Variants in SPATS1 observed in about 807,000 individuals in gnomAD.
SPATS1 encodes spermatogenesis-associated serine-rich protein 1.
A neutral mutation model predicts 33.6 loss-of-function variants in SPATS1; 23 were observed. That is an observed-to-expected ratio of 0.68 (90% CI 0.49 to 0.97). The LOEUF (loss-of-function observed/expected upper bound fraction) is 0.97. Ranked by LOEUF, SPATS1 falls within the 50% of genes least tolerant of loss-of-function variation. The probability of loss-of-function intolerance (pLI) is 0.00; values close to 1 mark genes in which losing one functional copy is unlikely to be tolerated. For synonymous variants in SPATS1, 131 were observed against 125.6 expected (o/e 1.04, Z -0.29); for missense variants, 327 against 361.0 (o/e 0.91, Z 0.76).
chr6:44,370,096 T>C lies in SPATS1; in HGVS notation c.741T>C (p.Pro247=). 1 of 1,612,480 alleles carries C rather than the reference T, an allele frequency of 6.2e-7. No individual in the cohort carries two copies. The highest frequency in any genetic ancestry group is 1.1e-5 in the South Asian group (1 of 90,980). The change falls in exon 7 of 9, where the codon CCT becomes CCC. Residue 247 remains proline (P), a synonymous_variant. Coordinates refer to ENST00000674044, the MANE Select transcript of SPATS1 (RefSeq NM_001372081.1). ...TTGATACATTTATTCCACTTGAGCCTCTTCCACAAATTCCCAAGTGAGTTC... is the reference window on the plus strand; with the variant it reads ...TTGATACATTTATTCCACTTGAGCCCCTTCCACAAATTCCCAAGTGAGTTC... ...KKFDTFIPLE[P]LPQIPNLPFW...
rs772122365 is a variant in SPATS1 at position 44,368,423 on chromosome 6, A to C, written c.619A>C (p.Asn207His). ...AATCCCAAAGTTAACTCCAGGCGAC[A>C]ATCCATATATGTACCCAGAACAGAG... is the stretch of plus-strand genomic sequence containing the variant. The part of the protein sequence containing the change: ...NGIPKLTPGD[N>H]PYMYPEQSKG... The change falls in exon 6 of 9, where the codon AAT becomes CAT. Residue 207 changes from asparagine (N) to histidine (H), a missense_variant. Coordinates refer to ENST00000674044, the MANE Select transcript of SPATS1 (RefSeq NM_001372081.1). The C allele has an allele frequency of 6.2e-7, 1 of 1,613,802 alleles. No individual in the cohort carries two copies. The highest frequency in any genetic ancestry group is 1.1e-5 in the South Asian group (1 of 91,048).
At chr6:44,351,741 C>T (rs1788258804) in intron 2 of SPATS1, among the ~76,000 whole-genome samples, 1 of 152,178 alleles carries the variant, frequency 6.6e-6, no homozygotes, top group Non-Finnish European at 1.5e-5. Context: ...GACTCCCTTA[C>T]TTGTAACTGT....
At chr6:44,346,021 C>G (rs1167012542) in intron 2 of SPATS1, among the ~76,000 whole-genome samples, 1 of 152,178 alleles carries the variant, frequency 6.6e-6, no homozygotes, top group Non-Finnish European at 1.5e-5. Flanking sequence ...CGTACAGTGT[C>G]TCATGCCTGT....
intron 2 of SPATS1, chr6:44,343,679 A>G: frequency 2.8e-6 from 1 of 351,746 alleles, no homozygotes; most frequent in South Asian, 2.2e-5. Flanking sequence ...AGTTCAGGTG[A>G]GAATTATGAA....
intron 2 of SPATS1, among the ~76,000 whole-genome samples, chr6:44,345,047 T>A (rs1787790953): frequency 6.6e-6 from 1 of 152,132 alleles, no homozygotes; most frequent in East Asian, 1.9e-4. Context: ...GTAATTGACT[T>A]GCTCAGAGTA....
At position 44,380,113 on chromosome 6, in the gene SPATS1, C is replaced by T. The variant is rs1790137750; in HGVS notation, c.*3050C>T. On this transcript the variant is annotated 3_prime_UTR_variant, in exon 9 of 9. Transcript: ENST00000674044. The stretch of plus-strand genomic sequence containing the variant: ...CTTTCCAGCTAGAAAGAGGTTGAAC[C>T]TGTTAGATGTAAAGATCCCCTTCAC... Among the ~76,000 whole-genome samples, 1 of 152,176 alleles carries T rather than the reference C, an allele frequency of 6.6e-6. No individual in the cohort carries two copies. Among genetic ancestry groups the T allele is most frequent in the African/African-American group, 2.4e-5 (1 of 41,448 alleles).
chr6:44,361,937 C>T lies in SPATS1; in HGVS notation c.519C>T (p.Asn173=). The change falls in exon 5 of 9, where the codon AAC becomes AAT. Residue 173 remains asparagine, a synonymous_variant. Coordinates refer to ENST00000674044, the MANE Select transcript of SPATS1 (RefSeq NM_001372081.1). The part of the protein sequence containing the change: ...QCFFNGVFLG[N]KRSLSERTVD... ...TCTTTAATGGAGTCTTCCTCGGCAACAAGAGGTCTCTATCAGAGAGGACGG... is the reference window on the plus strand; with the variant it reads ...TCTTTAATGGAGTCTTCCTCGGCAATAAGAGGTCTCTATCAGAGAGGACGG... The T allele has an allele frequency of 1.9e-6, 3 of 1,614,232 alleles. No individual in the cohort carries two copies. Among genetic ancestry groups the T allele is most frequent in the Non-Finnish European group, 2.5e-6 (3 of 1,180,050 alleles).
chr6:44,370,448 A>G (rs964994110), intron 7 of SPATS1, among the ~76,000 whole-genome samples: 6 of 152,316 alleles, frequency 3.9e-5, no homozygotes, highest in African/African-American at 1.4e-4. Flanking sequence ...ACACATACTT[A>G]AATGATTGCA....
intron 3 of SPATS1, among the ~76,000 whole-genome samples, chr6:44,358,772 A>G (rs1286021016): frequency 1.3e-5 from 2 of 152,188 alleles, no homozygotes; most frequent in Non-Finnish European, 2.9e-5. Context: ...TTGTCTGTAT[A>G]GATTTGCCTA....
At chr6:44,365,059 G>A (rs1295495316) in intron 5 of SPATS1, among the ~76,000 whole-genome samples, 1 of 152,150 alleles carries the variant, frequency 6.6e-6, no homozygotes, top group Non-Finnish European at 1.5e-5. Context: ...AAAGTGCTGG[G>A]ATTACAGGTG....
chr6:44,357,004 G>C (rs1311052779), intron 3 of SPATS1, among the ~76,000 whole-genome samples: 1 of 152,122 alleles, frequency 6.6e-6, no homozygotes, highest in Non-Finnish European at 1.5e-5. Flanking sequence ...ACAGCTTCCA[G>C]AGTTTTCTAA....
At chr6:44,352,646 T>G (rs1410686657) in intron 2 of SPATS1, 80 bp from the exon 3 acceptor site, 17 of 1,359,714 alleles carry the variant, frequency 1.3e-5, no homozygotes, top group Middle Eastern at 1.9e-4. Context: ...TTTTAAAAAT[T>G]TATTTATAAT....
intron 7 of SPATS1, among the ~76,000 whole-genome samples, chr6:44,373,517 T>C (rs1354943509): frequency 2.0e-5 from 3 of 152,264 alleles, no homozygotes; most frequent in East Asian, 1.9e-4. Context: ...GTAGGTTTTT[T>C]CCCAAGTTAT....
intron 7 of SPATS1, among the ~76,000 whole-genome samples, chr6:44,371,218 G>C (rs1295218445): frequency 6.6e-6 from 1 of 151,638 alleles, no homozygotes; most frequent in African/African-American, 2.4e-5. Context: ...AGGGTTTCTT[G>C]AGTCTATGAG....
chr6:44,360,286 TC>T (rs1042539006), intron 3 of SPATS1, among the ~76,000 whole-genome samples, 159 bp from the exon 4 acceptor site: 1 of 152,214 alleles, frequency 6.6e-6, no homozygotes, highest in African/African-American at 2.4e-5. Context: ...TAAGTTTCAG[TC>T]CCCTCAAATT....
In SPATS1 at chr6:44,377,978, A is replaced by T. The variant is rs1790048272; in HGVS notation, c.*915A>T. On this transcript the variant is annotated 3_prime_UTR_variant, in exon 9 of 9. Transcript: ENST00000674044. ...AGTGAACTTTCATTGCTTTTGGTAA[A>T]ACTTTTCATTTTATTAATACCTTTT... is the stretch of plus-strand genomic sequence containing the variant. The T allele has an allele frequency of 6.6e-6, 1 of 152,222 alleles. No individual in the cohort carries two copies. The highest frequency in any genetic ancestry group is 2.4e-5 in the African/African-American group (1 of 41,448). The allele number at this position is 152,222 out of a possible 1,614,324, so 9.4% of individuals were successfully genotyped here.
At chr6:44,361,377 C>T (rs772499557) in intron 4 of SPATS1, 428 of 985,238 alleles carry the variant, frequency 4.3e-4, no homozygotes, top group Non-Finnish European at 4.9e-4. Context: ...AGCACATGCG[C>T]GTGCTATTGT....
At chr6:44,354,797 A>G (rs1173525170) in intron 3 of SPATS1, among the ~76,000 whole-genome samples, 1 of 152,138 alleles carries the variant, frequency 6.6e-6, no homozygotes, top group Non-Finnish European at 1.5e-5. Flanking sequence ...GCATGTATCC[A>G]TCATTGTAGT....
intron 5 of SPATS1, among the ~76,000 whole-genome samples, chr6:44,363,928 C>T (rs145772299): frequency 6.6e-6 from 1 of 152,248 alleles, no homozygotes; most frequent in East Asian, 1.9e-4. Context: ...TCCTCTTCCC[C>T]GAATATTCCA....
Sources: gnomAD v4.1 joint callset for allele counts (sites outside exome capture counted in the v4.1 genomes callset) on GRCh38, gnomAD v4.1.1 for gene constraint, MANE v1.5 for transcripts, NCBI Gene and HGNC (gene_info 2026-07-23, HGNC 2026-07-21) for gene names.